Variants in UNC13B observed in about 807,000 individuals in gnomAD.
The protein encoded by UNC13B is protein unc-13 homolog B.
A neutral mutation model predicts 211.0 loss-of-function variants in UNC13B; 144 were observed. That is an observed-to-expected ratio of 0.68 (90% confidence interval 0.60 to 0.78). The LOEUF is 0.78. Ranked by LOEUF, UNC13B falls within the 30% of genes least tolerant of loss-of-function variation. The pLI, the probability that UNC13B is intolerant of heterozygous loss-of-function variation, is 0.00. For synonymous variants in UNC13B, 709 were observed against 725.8 expected (o/e 0.98, Z 0.37); for missense variants, 1,777 against 2,002.0 (o/e 0.89, Z 2.14).
chr9:35,218,687 G>A (rs541518570), intron 1 of UNC13B, among the ~76,000 whole-genome samples: 3 of 151,898 alleles, frequency 2.0e-5, no homozygotes, highest in South Asian at 2.1e-4. Flanking sequence ...GTGAGCCACC[G>A]CGTCTGGTTA....
Position 35,398,974 on chromosome 9 carries a change from C to A in UNC13B, c.12014C>A (p.Ala4005Asp), listed in dbSNP as rs747413689. The stretch of plus-strand genomic sequence containing the variant: ...GGGAATGCATCTCCAGACGCCAGGG[C>A]CTCAGCGGCTCAGGATGCAGATAGC... ...GTGNASPDAR[A>D]SAAQDADSVL... Residue 4005 changes from alanine (A) to aspartate (D), a missense_variant, in exon 33 of 40, where the codon GCC becomes GAC. By Grantham distance (126) the Ala-to-Asp change is moderately radical. Coordinates refer to ENST00000635942, the MANE Select transcript of UNC13B (RefSeq NM_001371189.2). 5.6e-6 allele frequency: 9 copies of A among 1,614,052 alleles called. No homozygotes were observed. Among genetic ancestry groups the A allele is most frequent in the Middle Eastern group, 1.6e-4 (1 of 6,084 alleles).
rs1044388615 is a variant in UNC13B, at chr9:35,305,901, C to T, written c.6497C>T (p.Thr2166Ile). ...STKKSIFSFL[T>I]GSEKSENRAS... ...AAAAAGAGTATATTTTCTTTTCTCA[C>T]TGGATCTGAAAAATCTGAGAACAGA... The change falls in exon 9 of 40, where the codon ACT becomes ATT. Residue 2166 changes from threonine (T) to isoleucine (I), a missense_variant. Thr to Ile is a moderately conservative substitution (Grantham distance 89). Transcript: ENST00000635942. 3 of 398,904 alleles carry T rather than the reference C, an allele frequency of 7.5e-6. No homozygotes were observed. The highest frequency in any genetic ancestry group is 6.2e-5 in the African/African-American group (3 of 48,640). 24.7% of individuals were successfully genotyped at this position (398,904 alleles called of 1,614,324 possible).
chr9:35,166,367 T>A (rs1419534622), intron 1 of UNC13B, among the ~76,000 whole-genome samples: 3 of 152,034 alleles, frequency 2.0e-5, no homozygotes, highest in African/African-American at 7.3e-5. Context: ...GGTGACGAAG[T>A]GAGACCCTGT....
intron 7 of UNC13B, among the ~76,000 whole-genome samples, chr9:35,276,370 A>G (rs893821078): frequency 1.3e-5 from 2 of 151,188 alleles, no homozygotes; most frequent in African/African-American, 4.9e-5. Context: ...GTTGCTTTCC[A>G]TAGCAAAGAT....
At chr9:35,207,424 G>C in intron 1 of UNC13B, among the ~76,000 whole-genome samples, 1 of 151,444 alleles carries the variant, frequency 6.6e-6, no homozygotes, top group Admixed American at 6.6e-5. Context: ...CACCACGCTT[G>C]GCTAATTAAA....
In UNC13B at chr9:35,381,680, C is replaced by T; in HGVS notation, c.10616C>T (p.Ala3539Val). The change falls in exon 20 of 40, where the codon GCC (alanine) becomes GTC (valine). Residue 3539 changes from alanine to valine, a missense_variant. Coordinates refer to ENST00000635942, the MANE Select transcript of UNC13B (RefSeq NM_001371189.2). ...GCCCAAGAAATTGTGGATGAATTTGCCATGCGTTATGGCATTGAGTCCATA... is the reference window on the plus strand; with the variant it reads ...GCCCAAGAAATTGTGGATGAATTTGTCATGCGTTATGGCATTGAGTCCATA... Reference protein sequence around the residue: ...ETAQEIVDEFAMRYGIESIYQ... With the variant: ...ETAQEIVDEFVMRYGIESIYQ... The T allele has an allele frequency of 6.2e-7, 1 of 1,614,148 alleles. No individual in the cohort carries two copies. Among genetic ancestry groups the T allele is most frequent in the Non-Finnish European group, 8.5e-7 (1 of 1,180,028 alleles).
intron 7 of UNC13B, among the ~76,000 whole-genome samples, chr9:35,275,875 C>T (rs148006314): frequency 2.2e-4 from 33 of 152,180 alleles, no homozygotes; most frequent in African/African-American, 7.5e-4. Context: ...TTACAGTGAG[C>T]CACTGTGCCC....
intron 11 of UNC13B, among the ~76,000 whole-genome samples, chr9:35,355,172 A>T (rs1185569835): frequency 6.6e-6 from 1 of 152,220 alleles, no homozygotes; most frequent in Non-Finnish European, 1.5e-5. Context: ...AGATGCTTTC[A>T]TTTGTATAAA....
At chr9:35,171,666 A>G (rs1340028616) in intron 1 of UNC13B, among the ~76,000 whole-genome samples, 1 of 152,152 alleles carries the variant, frequency 6.6e-6, no homozygotes, top group East Asian at 1.9e-4. Flanking sequence ...GGACTCCCAA[A>G]GTTCTGAGGT....
chr9:35,273,428 T>G (rs1828003261), intron 7 of UNC13B, among the ~76,000 whole-genome samples: 1 of 152,128 alleles, frequency 6.6e-6, no homozygotes, highest in Admixed American at 6.5e-5. Flanking sequence ...AAGCAGTAGG[T>G]TTTCAATGCT....
chr9:35,217,062 C>T (rs1824287877), intron 1 of UNC13B, among the ~76,000 whole-genome samples: 2 of 152,038 alleles, frequency 1.3e-5, no homozygotes, highest in South Asian at 2.1e-4. Flanking sequence ...GGGAGATCTT[C>T]GTGTTGATGG....
intron 11 of UNC13B, among the ~76,000 whole-genome samples, chr9:35,325,822 A>G (rs1002822326): frequency 1.3e-5 from 2 of 152,206 alleles, no homozygotes; most frequent in Non-Finnish European, 2.9e-5. Flanking sequence ...GATTCCTATC[A>G]TATGTGGCCT....
chr9:35,323,276 G>A (rs926071397), intron 11 of UNC13B, among the ~76,000 whole-genome samples: 1 of 151,822 alleles, frequency 6.6e-6, no homozygotes, highest in Non-Finnish European at 1.5e-5. Context: ...CAGCTGCATA[G>A]TTTTTCTGTT....
At chr9:35,167,586 G>GTTTTT (rs35751450) in intron 1 of UNC13B, among the ~76,000 whole-genome samples, 3 of 114,982 alleles carry the variant, frequency 2.6e-5, no homozygotes, top group African/African-American at 3.2e-5. Flanking sequence ...ATCTTTGTAG[G>GTTTTT]TTTTTTTTTT....
intron 11 of UNC13B, chr9:35,352,697 C>T (rs1050084101): frequency 8.1e-7 from 1 of 1,232,076 alleles, no homozygotes; most frequent in Non-Finnish European, 1.0e-6. Context: ...TGTGCCCAAG[C>T]TAGGGGATGA....
chr9:35,362,321 G>A (rs1833471748), intron 11 of UNC13B, among the ~76,000 whole-genome samples: 1 of 152,176 alleles, frequency 6.6e-6, no homozygotes, highest in South Asian at 2.1e-4. Flanking sequence ...GAAGATAGAA[G>A]TTTAGTGTTT....
chr9:35,351,851 A>G, intron 11 of UNC13B: 1 of 1,232,248 alleles, frequency 8.1e-7, no homozygotes, highest in East Asian at 3.2e-5. Context: ...CATTACCACA[A>G]GCTGTCAGGA....
chr9:35,349,007 T>C (rs1224876372), intron 11 of UNC13B, among the ~76,000 whole-genome samples: 1 of 152,130 alleles, frequency 6.6e-6, no homozygotes, highest in African/African-American at 2.4e-5. Flanking sequence ...AACCTCTGCC[T>C]CCTGGGTTCA....
At chr9:35,186,462 G>A (rs567812217) in intron 1 of UNC13B, among the ~76,000 whole-genome samples, 13 of 152,312 alleles carry the variant, frequency 8.5e-5, no homozygotes, top group African/African-American at 2.9e-4. Context: ...AATCTGTGTT[G>A]TCTGCGGTAA....
Sources: gnomAD v4.1 joint callset for allele counts (sites outside exome capture counted in the v4.1 genomes callset) on GRCh38, gnomAD v4.1.1 for gene constraint, MANE v1.5 for transcripts, NCBI Gene and HGNC (gene_info 2026-07-23, HGNC 2026-07-21) for gene names.